MARCHF1: variants seen among roughly 807,000 people sequenced by gnomAD.
MARCHF1 encodes the protein E3 ubiquitin-protein ligase MARCHF1.
MARCHF1 carries 40 observed loss-of-function variants against 54.2 expected under a neutral mutation model. That is an observed-to-expected ratio of 0.74 (90% CI 0.57 to 0.96). The LOEUF (loss-of-function observed/expected upper bound fraction) is 0.96. Ranked by LOEUF, MARCHF1 falls within the 40% of genes least tolerant of loss-of-function variation. The pLI, the probability that MARCHF1 is intolerant of heterozygous loss-of-function variation, is 0.00. For missense variants in MARCHF1, 586 were observed against 656.5 expected (o/e 0.89, Z 1.17); for synonymous variants, 236 against 236.3 (o/e 1.00, Z 0.01).
intron 3 of MARCHF1, chr4:163,932,484 C>A: frequency 2.8e-6 from 1 of 362,576 alleles, no homozygotes; most frequent in African/African-American, 2.1e-5. Context: ...TCACCAGGAG[C>A]AAATTCCATC....
rs528100725 is a variant in MARCHF1, at chr4:163,940,297, T to C, written c.-39+48204A>G. ...TAAGAAAAGGAGTTCAAGCCACCTG[T>C]TCATGCAAATTATTTGTGTCTTCCG... On this transcript the variant is annotated intron_variant, in intron 3 of 9. Coordinates refer to ENST00000514618, the MANE Select transcript of MARCHF1 (RefSeq NM_001394959.1). 2.0e-5 allele frequency among the ~76,000 whole-genome samples: 3 copies of C among 152,298 alleles called. No individual in the cohort carries two copies. In the East Asian group the frequency reaches 5.8e-4, roughly 29 times the overall value.
At chr4:164,054,911 TAAA>T in intron 2 of MARCHF1, among the ~76,000 whole-genome samples, 1 of 152,060 alleles carries the variant, frequency 6.6e-6, no homozygotes, top group East Asian at 1.9e-4. Flanking sequence ...ACATGTACCC[TAAA>T]ACTTAAAGTA....
chr4:164,302,085 G>C (rs1734575409), intron 1 of MARCHF1, among the ~76,000 whole-genome samples: 1 of 152,110 alleles, frequency 6.6e-6, no homozygotes, highest in South Asian at 2.1e-4. Context: ...TGACCAATGG[G>C]CATTCAGAAC....
At chr4:163,863,332 A>G (rs1014644196) in intron 3 of MARCHF1, among the ~76,000 whole-genome samples, 2 of 152,110 alleles carry the variant, frequency 1.3e-5, no homozygotes, top group African/African-American at 4.8e-5. Context: ...TAAAGGCAAA[A>G]TATATTGTAC....
At chr4:163,851,066 T>C (rs1475781260) in intron 4 of MARCHF1, among the ~76,000 whole-genome samples, 2 of 152,072 alleles carry the variant, frequency 1.3e-5, no homozygotes, top group Non-Finnish European at 2.9e-5. Flanking sequence ...TAAAACCCCA[T>C]GATTCCGGAA....
intron 1 of MARCHF1, among the ~76,000 whole-genome samples, chr4:164,269,035 A>G (rs1733679305): frequency 1.3e-5 from 2 of 152,128 alleles, no homozygotes; most frequent in Admixed American, 6.6e-5. Flanking sequence ...TTTGAAAGAG[A>G]TATACCTTTA....
intron 3 of MARCHF1, among the ~76,000 whole-genome samples, chr4:163,934,157 C>A (rs1048598001): frequency 2.0e-5 from 3 of 152,138 alleles, no homozygotes; most frequent in Non-Finnish European, 4.4e-5. Flanking sequence ...GAGATTTGGA[C>A]CACTACCGTG....
chr4:163,850,776 A>C (rs1749619297), intron 4 of MARCHF1, among the ~76,000 whole-genome samples: 1 of 152,170 alleles, frequency 6.6e-6, no homozygotes, highest in Admixed American at 6.6e-5. Context: ...CTCAAAAGAG[A>C]TTGGAAAACA....
intron 3 of MARCHF1, among the ~76,000 whole-genome samples, chr4:163,855,126 C>T (rs936390816): frequency 2.0e-5 from 3 of 152,018 alleles, no homozygotes; most frequent in Non-Finnish European, 2.9e-5. Flanking sequence ...AACATAAGAA[C>T]GGTTGCACTA....
Position 164,350,872 on chromosome 4 carries a change from G to A in MARCHF1, c.-323+32998C>T, listed in dbSNP as rs182595532. ...GGTACCGCATTCATCTCACTAGGGAGTGCCAGACAGTGGGCGCAGGCGAGT... is the reference window on the plus strand; with the variant it reads ...GGTACCGCATTCATCTCACTAGGGAATGCCAGACAGTGGGCGCAGGCGAGT... On this transcript the variant is annotated intron_variant, in intron 1 of 9. Coordinates refer to ENST00000514618, the MANE Select transcript of MARCHF1 (RefSeq NM_001394959.1). 9.2e-5 allele frequency among the ~76,000 whole-genome samples: 14 copies of A among 152,090 alleles called. No homozygotes were observed. In the East Asian group the frequency reaches 2.5e-3, roughly 27 times the overall value.
At chr4:163,854,704 AAATT>A (rs879265882) in intron 3 of MARCHF1, among the ~76,000 whole-genome samples, 2 of 152,216 alleles carry the variant, frequency 1.3e-5, no homozygotes, top group Non-Finnish European at 2.9e-5. Context: ...CAAGTATAAT[AAATT>A]AAGTATATGA....
chr4:163,948,618 T>G (rs1287386414), intron 3 of MARCHF1, among the ~76,000 whole-genome samples: 1 of 152,174 alleles, frequency 6.6e-6, no homozygotes, highest in Non-Finnish European at 1.5e-5. Flanking sequence ...GGGCTTATAA[T>G]TATGAGCAGG....
chr4:163,955,386 C>T (rs1467544791), intron 3 of MARCHF1, among the ~76,000 whole-genome samples: 1 of 137,212 alleles, frequency 7.3e-6, no homozygotes, highest in Non-Finnish European at 1.6e-5. Flanking sequence ...AAAAAAAAAA[C>T]TTTAATGACT....
chr4:164,083,234 G>A (rs1755134435), intron 2 of MARCHF1, among the ~76,000 whole-genome samples: 1 of 152,090 alleles, frequency 6.6e-6, no homozygotes, highest in Non-Finnish European at 1.5e-5. Flanking sequence ...CTGCGGGGTG[G>A]TGAAATAAAG....
chr4:164,016,599 C>A lies in MARCHF1; in HGVS notation c.-247-27890G>T, dbSNP rs888929636. On this transcript the variant is annotated intron_variant, in intron 2 of 9. Transcript: ENST00000514618. ...ACACGTGTTCACTAATATGTAGGAG[C>A]TAAAGAAAAATAACTCATGGAGATA... is the stretch of plus-strand genomic sequence containing the variant. 2.6e-5 allele frequency among the ~76,000 whole-genome samples: 4 copies of A among 151,996 alleles called. No homozygotes were observed. The Middle Eastern group carries it at 0.014, about 517-fold the overall frequency.
intron 1 of MARCHF1, among the ~76,000 whole-genome samples, chr4:164,146,351 G>C (rs1227519946): frequency 6.7e-6 from 1 of 149,788 alleles, no homozygotes; most frequent in East Asian, 2.0e-4. Flanking sequence ...CCAAAAAAGA[G>C]CCTGCATCGC....
intron 3 of MARCHF1, among the ~76,000 whole-genome samples, chr4:163,862,952 A>C (rs1312503778): frequency 6.6e-6 from 1 of 152,092 alleles, no homozygotes. Context: ...ACATTAAAAA[A>C]GCCAAACTGA....
At chr4:164,261,108 GGA>G (rs1733449124) in intron 1 of MARCHF1, among the ~76,000 whole-genome samples, 1 of 152,072 alleles carries the variant, frequency 6.6e-6, no homozygotes, top group African/African-American at 2.4e-5. Flanking sequence ...CACAAGCCAA[GGA>G]ACTACTGGAA....
At chr4:164,107,160 TAA>T (rs1249131639) in intron 2 of MARCHF1, among the ~76,000 whole-genome samples, 2 of 152,240 alleles carry the variant, frequency 1.3e-5, no homozygotes, top group South Asian at 2.1e-4. Flanking sequence ...TTTATTTTGA[TAA>T]AAAAATTATC....
Sources: gnomAD v4.1 joint callset for allele counts (sites outside exome capture counted in the v4.1 genomes callset) on GRCh38, gnomAD v4.1.1 for gene constraint, MANE v1.5 for transcripts, NCBI Gene and HGNC (gene_info 2026-07-23, HGNC 2026-07-21) for gene names.